Variants in KCNK2 observed in about 807,000 individuals in gnomAD.
The protein encoded by KCNK2 is potassium two pore domain channel subfamily K member 2, also known as potassium channel subfamily K member 2.
A neutral mutation model predicts 40.5 loss-of-function variants in KCNK2; 21 were observed. The ratio of observed to expected loss-of-function variants is 0.52; its 90% CI spans 0.37 to 0.75. KCNK2 has a LOEUF of 0.75. KCNK2 is among the 30% of genes least tolerant of loss of function. The pLI is 0.00. For missense variants in KCNK2, 399 were observed against 531.6 expected (o/e 0.75, Z 2.45); for synonymous variants, 191 against 202.2 (o/e 0.94, Z 0.47).
rs1657279778 is a variant in KCNK2, at chr1:215,033,538, T to C, written c.34+27583T>C. ...AGGTATGAGGGGAGGAGAAGTGTTT[T>C]ACATTGCCATGATTCCATTTCAGTC... On this transcript the variant is annotated intron_variant, in intron 1 of 6. Transcript: ENST00000391895. Among the ~76,000 whole-genome samples the C allele has an allele frequency of 2.6e-5, 4 of 152,296 alleles. No individual in the cohort carries two copies. The South Asian group carries it at 8.3e-4, about 32-fold the overall frequency.
At chr1:215,101,154 C>T (rs1453690554) in intron 2 of KCNK2, among the ~76,000 whole-genome samples, 1 of 151,972 alleles carries the variant, frequency 6.6e-6, no homozygotes, top group Non-Finnish European at 1.5e-5. Context: ...GGGATATAAT[C>T]AACATTTAAC....
chr1:215,173,627 A>C (rs1013134356), intron 5 of KCNK2, among the ~76,000 whole-genome samples: 2 of 152,066 alleles, frequency 1.3e-5, no homozygotes, highest in African/African-American at 4.8e-5. Flanking sequence ...CCTCTCCAGC[A>C]CCTGTTGTTT....
At chr1:215,155,275 GT>G (rs1662865631) in intron 3 of KCNK2, among the ~76,000 whole-genome samples, 1 of 127,488 alleles carries the variant, frequency 7.8e-6, no homozygotes, top group African/African-American at 2.8e-5. Flanking sequence ...GCTTTATATT[GT>G]TTTCATTCAT....
intron 3 of KCNK2, among the ~76,000 whole-genome samples, chr1:215,150,953 T>G (rs1224054047): frequency 6.6e-6 from 1 of 152,042 alleles, no homozygotes; most frequent in Non-Finnish European, 1.5e-5. Flanking sequence ...ATTCATCCAG[T>G]TGTGCTGTAA....
intron 1 of KCNK2, among the ~76,000 whole-genome samples, chr1:215,033,108 G>C (rs1156732): frequency 0.85 from 129,395 of 151,770 alleles, 55,437 homozygotes; most frequent in East Asian, 0.99. Context: ...CTCAAGCTCA[G>C]AAATTCTTTC....
intron 2 of KCNK2, among the ~76,000 whole-genome samples, chr1:215,114,917 C>G (rs1334557278): frequency 6.6e-6 from 1 of 151,714 alleles, no homozygotes; most frequent in East Asian, 1.9e-4. Flanking sequence ...AGTATAGTGC[C>G]TTTACTCATG....
At chr1:215,038,593 T>C (rs1224130093) in intron 1 of KCNK2, among the ~76,000 whole-genome samples, 2 of 152,108 alleles carry the variant, frequency 1.3e-5, no homozygotes, top group Admixed American at 6.6e-5. Flanking sequence ...TTAATCTCTA[T>C]ATATCTAATT....
chr1:215,011,517 T>C (rs549635897), intron 1 of KCNK2, among the ~76,000 whole-genome samples: 1 of 152,288 alleles, frequency 6.6e-6, no homozygotes, highest in South Asian at 2.1e-4. Flanking sequence ...GGTCTCAAAC[T>C]CCAGGACTCA....
intron 3 of KCNK2, among the ~76,000 whole-genome samples, chr1:215,136,605 G>A (rs899961621): frequency 1.3e-5 from 2 of 152,192 alleles, no homozygotes; most frequent in Admixed American, 1.3e-4. Flanking sequence ...AGTGTCCAGT[G>A]TGGATAGGCA....
intron 1 of KCNK2, among the ~76,000 whole-genome samples, chr1:215,010,993 TATATATA>T (rs1326961829): frequency 1.8e-5 from 2 of 108,646 alleles, no homozygotes; most frequent in Admixed American, 2.0e-4. Context: ...AAAATATACT[TATATATA>T]ATATTGTATT....
chr1:215,136,032 C>T (rs906311364), intron 3 of KCNK2, among the ~76,000 whole-genome samples: 1 of 152,160 alleles, frequency 6.6e-6, no homozygotes, highest in East Asian at 1.9e-4. Flanking sequence ...CGTGCCTGGC[C>T]TACCAACCAG....
intron 5 of KCNK2, among the ~76,000 whole-genome samples, chr1:215,193,158 A>C (rs1325702306): frequency 6.6e-6 from 1 of 151,848 alleles, no homozygotes; most frequent in African/African-American, 2.4e-5. Flanking sequence ...CTTGATTTTT[A>C]ATATATACCT....
chr1:215,121,223 A>G (rs1558100481), intron 2 of KCNK2, among the ~76,000 whole-genome samples: 1 of 152,212 alleles, frequency 6.6e-6, no homozygotes, highest in Admixed American at 6.5e-5. Flanking sequence ...AGTTCAGTAC[A>G]GAATAGTTGT....
chr1:215,222,665 C>A (rs1434927773), intron 6 of KCNK2, among the ~76,000 whole-genome samples: 2 of 151,258 alleles, frequency 1.3e-5, no homozygotes, highest in Non-Finnish European at 2.9e-5. Context: ...ATATACTTCT[C>A]AGAAAACCAG....
At chr1:215,110,500 C>A (rs1660636333) in intron 2 of KCNK2, among the ~76,000 whole-genome samples, 1 of 151,900 alleles carries the variant, frequency 6.6e-6, no homozygotes, top group Admixed American at 6.6e-5. Context: ...TCTTGACACC[C>A]TTGTTGAAGA....
rs546970137 is a variant in KCNK2 at position 215,059,078 on chromosome 1, CAT to C, written c.35-27281_35-27280del. On this transcript the variant is annotated intron_variant, in intron 1 of 6. Transcript: ENST00000391895. ...ATGTGTATATATATATACACACATACATATATATATTCGTGTATATATATACA... is the reference window on the plus strand; with the variant it reads ...ATGTGTATATATATATACACACATACATATATATTCGTGTATATATATACA... Among the ~76,000 whole-genome samples, 212 of 147,916 alleles carry C rather than the reference CAT, an allele frequency of 1.4e-3. No homozygotes were observed. The Middle Eastern group carries it at 0.02, about 14-fold the overall frequency.
chr1:215,194,829 AT>A, intron 5 of KCNK2, 123 bp from the exon 6 acceptor site: 1 of 639,430 alleles, frequency 1.6e-6, no homozygotes, highest in Admixed American at 2.9e-5. Flanking sequence ...ATGTAACTCC[AT>A]TGATAAGAAT....
chr1:215,198,321 G>C (rs945394916), intron 6 of KCNK2, among the ~76,000 whole-genome samples: 1 of 152,090 alleles, frequency 6.6e-6, no homozygotes, highest in African/African-American at 2.4e-5. Context: ...AGTTGAAATG[G>C]AGCTTTCAAT....
intron 5 of KCNK2, among the ~76,000 whole-genome samples, chr1:215,175,579 A>G (rs1374428496): frequency 1.3e-5 from 2 of 151,940 alleles, no homozygotes; most frequent in Non-Finnish European, 2.9e-5. Flanking sequence ...GGTTTGGGGT[A>G]AGATTGATCC....
Sources: allele counts gnomAD v4.1 joint callset (sites outside exome capture counted in the v4.1 genomes callset), GRCh38; gene constraint gnomAD v4.1.1; transcripts MANE v1.5; gene names NCBI Gene and HGNC (gene_info 2026-07-23, HGNC 2026-07-21).